CEP85L: variants seen among roughly 807,000 people sequenced by gnomAD.
CEP85L encodes the protein centrosomal protein of 85 kDa-like.
In CEP85L, 60 loss-of-function variants were observed where a neutral mutation model predicts 100.3. The ratio of observed to expected loss-of-function variants is 0.60; its 90% confidence interval spans 0.49 to 0.74. The LOEUF (loss-of-function observed/expected upper bound fraction) is 0.74. CEP85L is among the 30% of genes least tolerant of loss of function. The pLI is 0.00. For missense variants in CEP85L, 973 were observed against 936.2 expected (o/e 1.04, Z -0.51); for synonymous variants, 319 against 322.7 (o/e 0.99, Z 0.12).
upstream of CEP85L, chr6:118,651,779 C>T (rs368477340): frequency 3.3e-5 from 33 of 985,716 alleles, no homozygotes; most frequent in Admixed American, 4.9e-4. Context: ...GTCCCGCCCT[C>T]CCGCCGCATC....
In CEP85L at chr6:118,600,300, G is replaced by GGGGGGTGT. The variant is rs1562297733; in HGVS notation, c.232+32152_232+32153insACACCCCC. 4.8e-4 allele frequency among the ~76,000 whole-genome samples: 25 copies of GGGGGGTGT among 52,244 alleles called. 7 individuals carry two copies. The highest frequency in any genetic ancestry group is 8.1e-4 in the Non-Finnish European group (20 of 24,780). The allele number at this position is 52,244 out of a possible 152,430, so 34.3% of individuals were successfully genotyped here. A position where few individuals can be genotyped will look rare whatever the true frequency, so the allele number is the denominator to read the frequency against. The stretch of plus-strand genomic sequence containing the variant: ...CTGCCTGTCCCTGAGCCTTCCTGGG[G>GGGGGGTGT]GTGTGTGTGTGTGTGTGTGTGTGTG... On this transcript the variant is annotated intron_variant, in intron 2 of 12. Coordinates refer to ENST00000368491, the MANE Select transcript of CEP85L (RefSeq NM_001042475.3).
chr6:118,603,157 G>A (rs759178029), intron 2 of CEP85L, among the ~76,000 whole-genome samples: 126 of 152,028 alleles, frequency 8.3e-4, no homozygotes, highest in Non-Finnish European at 9.3e-4. Flanking sequence ...CCAGCCTTGG[G>A]TTTCTACCCT....
intron 2 of CEP85L, among the ~76,000 whole-genome samples, chr6:118,595,638 GTAAC>G (rs1781424070): frequency 1.3e-5 from 2 of 152,174 alleles, no homozygotes; most frequent in African/African-American, 4.8e-5. Context: ...TCTCCTAAAA[GTAAC>G]TAACAGTGTC....
At chr6:118,593,858 C>G (rs1270377588) in intron 2 of CEP85L, among the ~76,000 whole-genome samples, 2 of 152,090 alleles carry the variant, frequency 1.3e-5, no homozygotes, top group Non-Finnish European at 2.9e-5. Flanking sequence ...AACACATCAT[C>G]CACAATGTTC....
intron 11 of CEP85L, among the ~76,000 whole-genome samples, chr6:118,469,769 T>C (rs79609864): frequency 0.026 from 4,010 of 152,174 alleles, 81 homozygotes; most frequent in Middle Eastern, 0.088. Context: ...GCCTGGCTAA[T>C]TTTTGCATTT....
chr6:118,633,198 CTTGAT>C (rs951700459), intron 1 of CEP85L, among the ~76,000 whole-genome samples: 14 of 141,036 alleles, frequency 9.9e-5, no homozygotes, highest in African/African-American at 3.4e-4. Flanking sequence ...CTACTCTTAG[CTTGAT>C]TTGTCTTTTT....
At chr6:118,475,377 C>T (rs1432156036) in intron 10 of CEP85L, among the ~76,000 whole-genome samples, 97 of 116,230 alleles carry the variant, frequency 8.3e-4, no homozygotes, top group East Asian at 3.6e-3. Flanking sequence ...TTTTTTGAGA[C>T]GAGTCTCGCT....
chr6:118,684,370 C>T (rs557878486), intron 1 of CEP85L, among the ~76,000 whole-genome samples: 3 of 152,194 alleles, frequency 2.0e-5, no homozygotes, highest in South Asian at 4.1e-4. Context: ...GGCATGGTGG[C>T]GCATGCCTGT....
chr6:118,517,131 T>C (rs190423338), intron 4 of CEP85L, among the ~76,000 whole-genome samples: 223 of 152,298 alleles, frequency 1.5e-3, no homozygotes, highest in African/African-American at 5.2e-3. Flanking sequence ...TACCATTCTG[T>C]TTTGGTTACT....
intron 1 of CEP85L, among the ~76,000 whole-genome samples, chr6:118,707,160 G>T (rs1379922865): frequency 6.6e-6 from 1 of 151,302 alleles, no homozygotes; most frequent in Non-Finnish European, 1.5e-5. Context: ...CAGTCCTCCT[G>T]GGTTTCCTTC....
chr6:118,473,304 C>G (rs898110165), intron 10 of CEP85L, among the ~76,000 whole-genome samples: 1 of 151,940 alleles, frequency 6.6e-6, no homozygotes, highest in Non-Finnish European at 1.5e-5. Flanking sequence ...CTGTGGAGAA[C>G]AGAGCACAGT....
At chr6:118,704,469 G>GT (rs1777527729) in intron 1 of CEP85L, among the ~76,000 whole-genome samples, 1 of 152,034 alleles carries the variant, frequency 6.6e-6, no homozygotes, top group African/African-American at 2.4e-5. Context: ...GTTCTGTTTT[G>GT]TTTTGCTTTT....
At chr6:118,608,861 T>C (rs1772424473) in intron 2 of CEP85L, among the ~76,000 whole-genome samples, 1 of 152,170 alleles carries the variant, frequency 6.6e-6, no homozygotes, top group Admixed American at 6.5e-5. Context: ...ATACCATAAA[T>C]TGGCAGGGAT....
At chr6:118,643,825 C>T (rs549460156) in intron 1 of CEP85L, among the ~76,000 whole-genome samples, 20 of 152,138 alleles carry the variant, frequency 1.3e-4, no homozygotes, top group African/African-American at 4.8e-4. Flanking sequence ...TTCTGAGGGG[C>T]GAGAACACTG....
chr6:118,473,907 G>A (rs1424764474), intron 10 of CEP85L, among the ~76,000 whole-genome samples: 1 of 151,940 alleles, frequency 6.6e-6, no homozygotes, highest in Non-Finnish European at 1.5e-5. Flanking sequence ...ATAGCAGGGT[G>A]TTTATTTTGG....
chr6:118,585,682 G>T (rs2115095851), intron 2 of CEP85L, among the ~76,000 whole-genome samples: 2 of 152,316 alleles, frequency 1.3e-5, no homozygotes, highest in African/African-American at 4.8e-5. Context: ...TTTCACTTGG[G>T]AGAGGATAAA....
intron 2 of CEP85L, among the ~76,000 whole-genome samples, chr6:118,610,112 TAG>T (rs1390385864): frequency 1.3e-5 from 2 of 152,282 alleles, no homozygotes; most frequent in South Asian, 4.1e-4. Flanking sequence ...TCACCACACA[TAG>T]AGTTACCTCC....
chr6:118,650,356 A>G (rs1364005979), intron 1 of CEP85L, among the ~76,000 whole-genome samples: 1 of 152,228 alleles, frequency 6.6e-6, no homozygotes. Context: ...CTTATTTTTT[A>G]TCCCAAGTTA....
At chr6:118,503,398 C>A (rs962085942) in intron 5 of CEP85L, among the ~76,000 whole-genome samples, 1 of 152,110 alleles carries the variant, frequency 6.6e-6, no homozygotes, top group African/African-American at 2.4e-5. Context: ...ACAATCCCAA[C>A]CAAAATCCTA....
Sources: allele counts gnomAD v4.1 joint callset (sites outside exome capture counted in the v4.1 genomes callset), GRCh38; gene constraint gnomAD v4.1.1; transcripts MANE v1.5; gene names NCBI Gene and HGNC (gene_info 2026-07-23, HGNC 2026-07-21).